GIPC1: variants seen among roughly 807,000 people sequenced by gnomAD.
GIPC1 encodes the protein GIPC PDZ domain containing family member 1.
In GIPC1, 15 loss-of-function variants were observed where a neutral mutation model predicts 28.5. The observed-to-expected ratio is 0.53, with a 90% confidence interval of 0.35 to 0.81. The LOEUF is 0.81. GIPC1 is among the 30% of genes least tolerant of loss of function. GIPC1 has a pLI of 0.01. For synonymous variants in GIPC1, 224 were observed against 206.1 expected, an observed-to-expected ratio of 1.09 and a Z score of -0.74; for missense variants, 439 against 481.9, an observed-to-expected ratio of 0.91 and a Z score of 0.83.
intron 3 of GIPC1, among the ~76,000 whole-genome samples, chr19:14,486,409 T>C (rs914884745): frequency 6.6e-6 from 1 of 152,146 alleles, no homozygotes; most frequent in Non-Finnish European, 1.5e-5. Flanking sequence ...TAAATGATTA[T>C]TTCTGGCAAA....
At chr19:14,493,139 C>T (rs1232148669) in intron 1 of GIPC1, among the ~76,000 whole-genome samples, 1 of 152,142 alleles carries the variant, frequency 6.6e-6, no homozygotes, top group Non-Finnish European at 1.5e-5. Flanking sequence ...CCAGGCTTGC[C>T]CCAGCATGCT....
At chr19:14,479,070 C>T (rs371627334) in intron 7 of GIPC1, among the ~76,000 whole-genome samples, 6 of 152,048 alleles carry the variant, frequency 3.9e-5, no homozygotes, top group South Asian at 4.1e-4. Context: ...GAGGGCTGGG[C>T]GCGGTGGCTC....
intron 1 of GIPC1, among the ~76,000 whole-genome samples, chr19:14,494,023 G>A (rs1356678431): frequency 2.0e-5 from 3 of 150,146 alleles, no homozygotes; most frequent in Non-Finnish European, 3.0e-5. Context: ...GCAGTGGCAC[G>A]ATCTCAGCTC....
At chr19:14,493,991 G>A (rs1000125562) in intron 1 of GIPC1, among the ~76,000 whole-genome samples, 10 of 142,992 alleles carry the variant, frequency 7.0e-5, no homozygotes, top group African/African-American at 2.4e-4. Flanking sequence ...ATGGAGTCTC[G>A]CTCTGTAGCC....
At chr19:14,493,522 A>T (rs2072014401) in intron 1 of GIPC1, among the ~76,000 whole-genome samples, 1 of 151,374 alleles carries the variant, frequency 6.6e-6, no homozygotes, top group Non-Finnish European at 1.5e-5. Flanking sequence ...CAGTGGCGCC[A>T]TCTCAGCTCA....
intron 4 of GIPC1, chr19:14,482,217 A>G (rs974610436): frequency 2.6e-5 from 5 of 192,382 alleles, no homozygotes; most frequent in Non-Finnish European, 4.4e-5. Flanking sequence ...AGTTTTGCAC[A>G]ATCGACTGGG....
At chr19:14,493,219 T>C (rs1053667166) in intron 1 of GIPC1, among the ~76,000 whole-genome samples, 10 of 152,236 alleles carry the variant, frequency 6.6e-5, no homozygotes, top group African/African-American at 2.2e-4. Context: ...GCAGAACTCT[T>C]GTCTTCCAGC....
intron 3 of GIPC1, among the ~76,000 whole-genome samples, chr19:14,486,699 G>T (rs143535274): frequency 0.053 from 7,791 of 145,802 alleles, 233 homozygotes; most frequent in Middle Eastern, 0.092. Flanking sequence ...TTTCTTTCTT[G>T]CTTTCTTTCT....
chr19:14,478,388 GTCA>G lies in GIPC1; in HGVS notation c.*25_*27del. On this transcript the variant is annotated 3_prime_UTR_variant, in exon 9 of 9. Coordinates refer to ENST00000393033, the MANE Select transcript of GIPC1 (RefSeq NM_005716.4). The surrounding 1 kb of genome is among the most constrained non-coding windows in gnomAD (Gnocchi z 5.2). ...GGGGCCCCCACCAGGTTGCGCCCGG[GTCA>G]TCATCGCAGGGTCCGGGGGCAGTCC... 1.3e-6 allele frequency: 2 copies of G among 1,578,374 alleles called. No individual in the cohort carries two copies. Among genetic ancestry groups the G allele is most frequent in the Non-Finnish European group, 1.7e-6 (2 of 1,160,638 alleles).
At chr19:14,485,730 G>A (rs911295745) in intron 3 of GIPC1, among the ~76,000 whole-genome samples, 5 of 144,420 alleles carry the variant, frequency 3.5e-5, no homozygotes, top group Admixed American at 2.1e-4. Flanking sequence ...GAGAGAGAGA[G>A]AGAGAGAGAG....
intron 1 of GIPC1, among the ~76,000 whole-genome samples, chr19:14,495,779 G>A (rs1032925774): frequency 6.6e-6 from 1 of 152,088 alleles, no homozygotes. Context: ...GGGGGACGGG[G>A]GGAGGGGCAA....
chr19:14,480,157 T>C (rs2071692368), intron 6 of GIPC1, 148 bp downstream of exon 6: 5 of 661,406 alleles, frequency 7.6e-6, no homozygotes, highest in Non-Finnish European at 1.3e-5. Context: ...CCGTCTGGGG[T>C]CGGGAGGAGC....
intron 4 of GIPC1, 71 bp downstream of exon 4, chr19:14,482,618 A>G (rs1162291345): frequency 6.9e-7 from 1 of 1,455,364 alleles, no homozygotes; most frequent in Non-Finnish European, 9.5e-7. Flanking sequence ...GCCCCAGCTC[A>G]TGAACAGGAT....
intron 3 of GIPC1, among the ~76,000 whole-genome samples, chr19:14,488,075 G>A (rs2071885532): frequency 6.6e-6 from 1 of 152,164 alleles, no homozygotes; most frequent in Non-Finnish European, 1.5e-5. Flanking sequence ...AGCTGAACTT[G>A]AGACCTGAAC....
chr19:14,489,434 A>C, intron 3 of GIPC1: 2 of 869,300 alleles, frequency 2.3e-6, no homozygotes, highest in Non-Finnish European at 4.0e-6. Flanking sequence ...ACGGACAAGA[A>C]GTTTTCATTG....
rs1362893794 is a variant in GIPC1 at position 14,478,543 on chromosome 19, T to C, written c.875A>G (p.Lys292Arg). 3 of 1,614,058 alleles carry C rather than the reference T, an allele frequency of 1.9e-6. No individual in the cohort carries two copies. The highest frequency in any genetic ancestry group is 1.1e-5 in the South Asian group (1 of 91,082). ...ELAATMVELG[K>R]DKRNPDELAE... is the part of the protein sequence containing the mutation. ...CAGCTCATCCGGGTTCCTTTTGTCC[T>C]TTCCCAGCTCCACCATGGTGGCCGC... Residue 292 changes from lysine to arginine, a missense_variant, in exon 9 of 9, where the codon AAG becomes AGG. Transcript: ENST00000393033. The surrounding 1 kb of genome is among the most constrained non-coding windows in gnomAD (Gnocchi z 5.2).
intron 1 of GIPC1, among the ~76,000 whole-genome samples, chr19:14,494,894 C>G (rs1028833102): frequency 6.7e-6 from 1 of 150,292 alleles, no homozygotes; most frequent in African/African-American, 2.5e-5. Flanking sequence ...GGGCCTGAAA[C>G]TTAGCAACCC....
At chr19:14,494,602 T>C (rs2072038861) in intron 1 of GIPC1, among the ~76,000 whole-genome samples, 1 of 152,338 alleles carries the variant, frequency 6.6e-6, no homozygotes, top group East Asian at 1.9e-4. Flanking sequence ...GCATTTTCTG[T>C]GCCAAGAACA....
In GIPC1 at chr19:14,479,489, C is replaced by T. The variant is rs150609949; in HGVS notation, c.691G>A (p.Gly231Ser). The T allele has an allele frequency of 1.2e-4, 175 of 1,444,176 alleles. No homozygotes were observed. The highest frequency in any genetic ancestry group is 1.5e-4 in the Non-Finnish European group (164 of 1,102,554). The allele number at this position is 1,444,176 out of a possible 1,614,324, so 89.5% of individuals were successfully genotyped here. A position where few individuals can be genotyped will look rare whatever the true frequency, so the allele number is the denominator to read the frequency against. The change falls in exon 7 of 9, where the codon GGC becomes AGC. Residue 231 changes from glycine (G) to serine (S), a missense_variant. Physicochemically the swap from Gly to Ser is moderately conservative, Grantham distance 56. Coordinates refer to ENST00000393033, the MANE Select transcript of GIPC1 (RefSeq NM_005716.4). ...CCAGTGCCCAGTTGTGGGCCAGAGC[C>T]AGGGCGGCCACCCGCTGAACGCTGG... ...ISQRSAGGRP[G>S]SGPQLGTGRG...
Sources: allele counts gnomAD v4.1 joint callset (sites outside exome capture counted in the v4.1 genomes callset), GRCh38; gene constraint gnomAD v4.1.1; non-coding constraint Gnocchi (gnomAD v3.1); transcripts MANE v1.5; gene names NCBI Gene and HGNC (gene_info 2026-07-23, HGNC 2026-07-21).